Variants in TMEM161B observed in about 807,000 individuals in gnomAD.
The protein encoded by TMEM161B is transmembrane protein 161B.
TMEM161B carries 34 observed loss-of-function variants against 61.8 expected under a neutral mutation model. That is an observed-to-expected ratio of 0.55 (90% CI 0.42 to 0.73). TMEM161B has a LOEUF of 0.73. Ranked by LOEUF, TMEM161B falls within the 30% of genes least tolerant of loss-of-function variation. The pLI, the probability that TMEM161B is intolerant of heterozygous loss-of-function variation, is 0.00. For synonymous variants in TMEM161B, 167 were observed against 192.8 expected, an observed-to-expected ratio of 0.87 and a Z score of 1.11; for missense variants, 456 against 558.5, an observed-to-expected ratio of 0.82 and a Z score of 1.85.
intron 9 of TMEM161B, chr5:88,200,248 G>A (rs1744131930): frequency 6.6e-6 from 1 of 151,910 alleles, no homozygotes; most frequent in South Asian, 2.1e-4. Context: ...AAGTCATGAG[G>A]GGACATGGAC....
chr5:88,197,402 T>TTA (rs1478545251), intron 11 of TMEM161B, among the ~76,000 whole-genome samples: 1 of 152,178 alleles, frequency 6.6e-6, no homozygotes, highest in Non-Finnish European at 1.5e-5. Context: ...TCAACAGTGC[T>TTA]TACTAAAGTT....
intron 10 of TMEM161B, 29 bp from the exon 11 acceptor site, chr5:88,197,794 A>G: frequency 6.3e-7 from 1 of 1,576,686 alleles, no homozygotes; most frequent in East Asian, 2.2e-5. Flanking sequence ...TTAAGTGTCT[A>G]ATGCAACTGA....
chr5:88,253,206 C>T (rs1163336890), intron 1 of TMEM161B, among the ~76,000 whole-genome samples: 1 of 152,120 alleles, frequency 6.6e-6, no homozygotes, highest in African/African-American at 2.4e-5. Flanking sequence ...AATTTGGCTA[C>T]AATCTAGTCT....
chr5:88,235,977 G>A (rs949143580), intron 2 of TMEM161B, among the ~76,000 whole-genome samples: 11 of 152,282 alleles, frequency 7.2e-5, no homozygotes, highest in Admixed American at 2.6e-4. Context: ...CAGGCATTCC[G>A]TTAAGGGTAG....
downstream of TMEM161B, chr5:88,189,557 T>G (rs1004211593): frequency 6.5e-6 from 1 of 153,022 alleles, no homozygotes; most frequent in African/African-American, 2.4e-5. Flanking sequence ...GAGGCTACGT[T>G]CCAGTCCTTG....
chr5:88,206,508 G>GTAAA lies in TMEM161B; in HGVS notation c.599-10_599-9insTTTA. 1.5e-6 allele frequency: 2 copies of GTAAA among 1,307,832 alleles called. No homozygotes were observed. Among genetic ancestry groups the GTAAA allele is most frequent in the Non-Finnish European group, 2.1e-6 (2 of 962,704 alleles). 81.0% of individuals were successfully genotyped at this position (1,307,832 alleles called of 1,614,324 possible). A position where few individuals can be genotyped will look rare whatever the true frequency, so the allele number is the denominator to read the frequency against. On this transcript the variant is annotated splice_polypyrimidine_tract_variant and intron_variant, in intron 6 of 11. Transcript: ENST00000296595. The stretch of plus-strand genomic sequence containing the variant: ...TGAAAAATTTGTAAACCCTGTGGGG[G>GTAAA]AAAAAAAAAAAAACAACAGATTACT...
intron 9 of TMEM161B, chr5:88,200,063 T>C (rs1744091412): frequency 6.6e-6 from 1 of 150,728 alleles, no homozygotes; most frequent in African/African-American, 2.4e-5. Context: ...GACGGTAGAA[T>C]GGATGCATAT....
chr5:88,203,038 T>C lies in TMEM161B; in HGVS notation c.838A>G (p.Met280Val), dbSNP rs763596896. 1.9e-6 allele frequency: 3 copies of C among 1,609,388 alleles called. No individual in the cohort carries two copies. The highest frequency in any genetic ancestry group is 1.7e-6 in the Non-Finnish European group (2 of 1,176,300). ...ATTGGTTTTACCCAGAGCAGAACCA[T>C]AAATAAAGGTGCCAAGAAGTTGATA... is the stretch of plus-strand genomic sequence containing the variant. ...LHINFLAPLF[M>V]VLLWVKPITK... Residue 280 changes from methionine (M) to valine (V), a missense_variant, in exon 9 of 12, where the codon ATG (methionine) becomes GTG (valine). Coordinates refer to ENST00000296595, the MANE Select transcript of TMEM161B (RefSeq NM_153354.5).
chr5:88,248,161 C>A lies in TMEM161B; in HGVS notation c.4-7245G>T, dbSNP rs544879162. ...CATTTTTACACCAAATCCTGGGTCC[C>A]CAAAAGACAGAAACACTACAGAACA... On this transcript the variant is annotated intron_variant, in intron 1 of 11. Coordinates refer to ENST00000296595, the MANE Select transcript of TMEM161B (RefSeq NM_153354.5). Among the ~76,000 whole-genome samples the A allele has an allele frequency of 1.2e-3, 177 of 152,048 alleles. 1 individual carries two copies. The highest frequency in any genetic ancestry group is 2.9e-3 in the South Asian group (14 of 4,816).
chr5:88,242,812 C>T (rs1752964229), intron 1 of TMEM161B, among the ~76,000 whole-genome samples: 1 of 151,320 alleles, frequency 6.6e-6, no homozygotes, highest in Admixed American at 6.6e-5. Flanking sequence ...CAAAAAGAGA[C>T]AGCAGTCTCC....
chr5:88,199,224 C>T, intron 9 of TMEM161B, 74 bp from the exon 10 acceptor site: 1 of 1,415,418 alleles, frequency 7.1e-7, no homozygotes, highest in Non-Finnish European at 9.5e-7. Flanking sequence ...TGTTAATGGT[C>T]ACCATATAAG....
intron 1 of TMEM161B, among the ~76,000 whole-genome samples, chr5:88,244,253 T>G (rs1217524240): frequency 2.0e-5 from 3 of 151,930 alleles, no homozygotes; most frequent in African/African-American, 4.8e-5. Flanking sequence ...CTTCCAGGGT[T>G]TTTATTGGTT....
chr5:88,268,483 A>G (rs986228787), intron 1 of TMEM161B, among the ~76,000 whole-genome samples: 1 of 152,148 alleles, frequency 6.6e-6, no homozygotes, highest in Non-Finnish European at 1.5e-5. Context: ...TACCCAGTCC[A>G]TACTCCCTGA....
intron 2 of TMEM161B, among the ~76,000 whole-genome samples, chr5:88,231,104 C>T (rs552966826): frequency 6.6e-6 from 1 of 152,248 alleles, no homozygotes; most frequent in South Asian, 2.1e-4. Context: ...AGGGTGAAAT[C>T]CTGACTTCAG....
At chr5:88,201,076 A>T in intron 9 of TMEM161B, 1 of 152,178 alleles carries the variant, frequency 6.6e-6, no homozygotes, top group South Asian at 2.1e-4. Flanking sequence ...ACTGCCTCTA[A>T]TAACTTAACC....
intron 5 of TMEM161B, among the ~76,000 whole-genome samples, chr5:88,208,056 A>AC (rs1358789210): frequency 2.0e-5 from 3 of 152,222 alleles, no homozygotes; most frequent in African/African-American, 7.2e-5. Flanking sequence ...AAACAAACAA[A>AC]AAACAACTGT....
Position 88,203,090 on chromosome 5 carries a change from G to C in TMEM161B, c.801-15C>G. On this transcript the variant is annotated splice_polypyrimidine_tract_variant and intron_variant, in intron 8 of 11. Coordinates refer to ENST00000296595, the MANE Select transcript of TMEM161B (RefSeq NM_153354.5). The stretch of plus-strand genomic sequence containing the variant: ...GAAGTAAAGTTCTGAAAGTACGTAA[G>C]AAATAAATATAAAAATTCAGAAACA... The C allele has an allele frequency of 1.4e-6, 2 of 1,471,942 alleles. No individual in the cohort carries two copies. The allele number at this position is 1,471,942 out of a possible 1,614,324, so 91.2% of individuals were successfully genotyped here.
At chr5:88,225,712 T>G in intron 4 of TMEM161B, 57 bp downstream of exon 4, 1 of 1,124,966 alleles carries the variant, frequency 8.9e-7, no homozygotes, top group South Asian at 1.4e-5. Context: ...GAAAGTACTT[T>G]CACTACTATA....
At chr5:88,193,410 A>C (rs1193688123), downstream of TMEM161B, among the ~76,000 whole-genome samples, 4 of 152,144 alleles carry the variant, frequency 2.6e-5, no homozygotes, top group East Asian at 7.7e-4. Flanking sequence ...GGGGATATTA[A>C]AATATTACTT....
Sources: gnomAD v4.1 joint callset for allele counts (sites outside exome capture counted in the v4.1 genomes callset) on GRCh38, gnomAD v4.1.1 for gene constraint, MANE v1.5 for transcripts, NCBI Gene and HGNC (gene_info 2026-07-23, HGNC 2026-07-21) for gene names.